Variants in CDC45 observed in about 807,000 individuals in gnomAD.
The protein encoded by CDC45 is cell division cycle 45, also known as cell division control protein 45 homolog.
CDC45 carries 54 observed loss-of-function variants against 77.8 expected under a neutral mutation model. The observed-to-expected ratio is 0.69, with a 90% CI of 0.56 to 0.87. The LOEUF (loss-of-function observed/expected upper bound fraction) is 0.87. Ranked by LOEUF, CDC45 falls within the 40% of genes least tolerant of loss-of-function variation. The probability of loss-of-function intolerance (pLI) is 0.00; values close to 1 mark genes in which losing one functional copy is unlikely to be tolerated. For missense variants in CDC45, 649 were observed against 721.6 expected (o/e 0.90, Z 1.15); for synonymous variants, 260 against 272.1 (o/e 0.96, Z 0.44).
At chr22:19,512,768 A>T (rs1244260603) in intron 13 of CDC45, among the ~76,000 whole-genome samples, 4 of 152,178 alleles carry the variant, frequency 2.6e-5, no homozygotes, top group African/African-American at 4.8e-5. Flanking sequence ...TAAGAAAAGG[A>T]TATTTAAAAC....
chr22:19,489,174 G>A (rs2146350785), intron 5 of CDC45, among the ~76,000 whole-genome samples: 1 of 152,250 alleles, frequency 6.6e-6, no homozygotes, highest in South Asian at 2.1e-4. Context: ...TATCTCTAAA[G>A]AAAAGAAAGT....
chr22:19,514,603 A>G (rs1933678590), intron 13 of CDC45, 146 bp from the exon 14 acceptor site: 4 of 654,152 alleles, frequency 6.1e-6, no homozygotes, highest in Admixed American at 6.1e-5. Context: ...CTTTCATGTG[A>G]AAGACAACTC....
At position 19,507,265 on chromosome 22, in the gene CDC45, T is replaced by G. The variant is rs1933244516; in HGVS notation, c.825-121T>G. ...GGCTCCAGGTCACTCTTGGGATACC[T>G]GGTTTTGCAGGCAGGCCTGGTGAGA... On this transcript the variant is annotated intron_variant, in intron 10 of 18. Transcript: ENST00000263201. The G allele has an allele frequency of 5.7e-6, 7 of 1,228,616 alleles. No individual in the cohort carries two copies. The South Asian group carries it at 9.5e-5, about 17-fold the overall frequency. The allele number at this position is 1,228,616 out of a possible 1,614,324, so 76.1% of individuals were successfully genotyped here.
chr22:19,496,002 C>T lies in CDC45; in HGVS notation c.564C>T (p.Tyr188=), dbSNP rs367976893. The stretch of plus-strand genomic sequence containing the variant: ...ACAGAAGAGACATCCTCTTTGACTA[C>T]GAGCAGTATGAATATCATGGGACAT... ...EARRRDILFD[Y]EQYEYHGTSS... Residue 188 remains tyrosine (Y), a synonymous_variant, in exon 7 of 19, where the codon TAC becomes TAT. Coordinates refer to ENST00000263201, the MANE Select transcript of CDC45 (RefSeq NM_003504.5). The T allele has an allele frequency of 1.4e-5, 22 of 1,610,938 alleles. No individual in the cohort carries two copies. The highest frequency in any genetic ancestry group is 4.4e-5 in the South Asian group (4 of 91,004).
chr22:19,493,239 G>GTTGTTTTGTTTTGTTTTGTT (rs60107800), intron 5 of CDC45, among the ~76,000 whole-genome samples: 5 of 146,798 alleles, frequency 3.4e-5, no homozygotes, highest in Non-Finnish European at 6.0e-5. Flanking sequence ...TTTTTTTTTT[G>GTTGTTTTGTTTTGTTTTGTT]TTGTTTTGTT....
chr22:19,498,232 G>C (rs999662847), intron 8 of CDC45, among the ~76,000 whole-genome samples: 1 of 152,242 alleles, frequency 6.6e-6, no homozygotes, highest in African/African-American at 2.4e-5. Context: ...AGGAGGCTGA[G>C]GTAGGAAGAT....
intron 5 of CDC45, among the ~76,000 whole-genome samples, chr22:19,485,949 G>T (rs1410613229): frequency 1.3e-5 from 2 of 152,154 alleles, no homozygotes; most frequent in African/African-American, 4.8e-5. Context: ...TGCCACATTT[G>T]CTTTCTTTCT....
chr22:19,513,781 A>G (rs1284587932), intron 13 of CDC45, among the ~76,000 whole-genome samples: 1 of 152,070 alleles, frequency 6.6e-6, no homozygotes, highest in Non-Finnish European at 1.5e-5. Flanking sequence ...TTATTTTACT[A>G]TTTCTTTACT....
At position 19,516,725 on chromosome 22, in the gene CDC45, T is replaced by C. The variant is rs1820388323; in HGVS notation, c.1559+80T>C. 12 of 1,059,706 alleles carry C rather than the reference T, an allele frequency of 1.1e-5. No individual in the cohort carries two copies. In the South Asian group the frequency reaches 1.5e-4, roughly 13 times the overall value. The allele number at this position is 1,059,706 out of a possible 1,614,324, so 65.6% of individuals were successfully genotyped here. A position where few individuals can be genotyped will look rare whatever the true frequency, so the allele number is the denominator to read the frequency against. ...AGCTTATTAGCCCTGCTGAGTAGAG[T>C]GGTATTTGCCTCTAGTGTCTGTCCT... On this transcript the variant is annotated intron_variant, in intron 16 of 18. Transcript: ENST00000263201.
At chr22:19,489,268 T>A (rs1045433208) in intron 5 of CDC45, among the ~76,000 whole-genome samples, 8 of 152,028 alleles carry the variant, frequency 5.3e-5, no homozygotes, top group African/African-American at 1.9e-4. Context: ...TGCCAGAAAC[T>A]GAATATGTCT....
At chr22:19,506,928 C>A (rs759491550) in intron 10 of CDC45, among the ~76,000 whole-genome samples, 5 of 148,776 alleles carry the variant, frequency 3.4e-5, no homozygotes, top group Non-Finnish European at 7.5e-5. Context: ...AGCGAGACTC[C>A]GTCTCAAAAA....
intron 10 of CDC45, 95 bp downstream of exon 10, chr22:19,505,576 C>A: frequency 7.1e-7 from 1 of 1,411,130 alleles, no homozygotes; most frequent in South Asian, 1.2e-5. Flanking sequence ...GGCCACATCC[C>A]CAGGAGGGAA....
At chr22:19,486,553 T>C (rs951345545) in intron 5 of CDC45, among the ~76,000 whole-genome samples, 4 of 152,350 alleles carry the variant, frequency 2.6e-5, no homozygotes, top group African/African-American at 4.8e-5. Flanking sequence ...TCTCTATCCC[T>C]GCATTTTCTA....
chr22:19,500,803 T>C (rs1479130279), intron 9 of CDC45, among the ~76,000 whole-genome samples: 1 of 152,114 alleles, frequency 6.6e-6, no homozygotes, highest in Non-Finnish European at 1.5e-5. Context: ...CATGAAACTC[T>C]TCCTCTGCTG....
intron 13 of CDC45, among the ~76,000 whole-genome samples, chr22:19,514,250 G>A (rs1476864121): frequency 1.3e-5 from 2 of 152,206 alleles, no homozygotes; most frequent in Non-Finnish European, 2.9e-5. Flanking sequence ...ATAAGACATC[G>A]TTTCACCTTA....
intron 8 of CDC45, among the ~76,000 whole-genome samples, chr22:19,498,035 G>A (rs1478880652): frequency 1.3e-5 from 2 of 152,088 alleles, no homozygotes; most frequent in Admixed American, 6.6e-5. Flanking sequence ...TTAGCCAGGC[G>A]TGGTGGTGGG....
chr22:19,507,804 T>C lies in CDC45; in HGVS notation c.995T>C (p.Met332Thr), dbSNP rs754341277. 1 of 1,603,300 alleles carries C rather than the reference T, an allele frequency of 6.2e-7. No individual in the cohort carries two copies. The highest frequency in any genetic ancestry group is 8.5e-7 in the Non-Finnish European group (1 of 1,176,518). ...CAGGTGAAGCAGAAGTTCCAGGCCATGGACATCTCCTTGAAGGAGAATTTG... is the reference window on the plus strand; with the variant it reads ...CAGGTGAAGCAGAAGTTCCAGGCCACGGACATCTCCTTGAAGGAGAATTTG... ...LKQVKQKFQA[M>T]DISLKENLRE... The change falls in exon 12 of 19, where the codon ATG becomes ACG. Residue 332 changes from methionine to threonine, a missense_variant. Transcript: ENST00000263201.
At position 19,487,910 on chromosome 22, in the gene CDC45, CAAAAAA is replaced by C. The variant is rs11291499; in HGVS notation, c.486+3922_486+3927del. ...TGGGCAACAGAGCAAGACTCCGTCT[CAAAAAA>C]AAAAAAAAAAAAAAAAGAGTTCTGC... On this transcript the variant is annotated intron_variant, in intron 5 of 18. Coordinates refer to ENST00000263201, the MANE Select transcript of CDC45 (RefSeq NM_003504.5). 1.5e-4 allele frequency among the ~76,000 whole-genome samples: 10 copies of C among 68,760 alleles called. No individual in the cohort carries two copies. The East Asian group carries it at 1.5e-3, about 10-fold the overall frequency. 45.1% of individuals were successfully genotyped at this position (68,760 alleles called of 152,430 possible).
At chr22:19,519,796 T>A (rs1488095571) in intron 18 of CDC45, among the ~76,000 whole-genome samples, 1 of 152,218 alleles carries the variant, frequency 6.6e-6, no homozygotes, top group African/African-American at 2.4e-5. Context: ...ATAGGGGGCC[T>A]CAGGGACCCC....
Sources: allele counts gnomAD v4.1 joint callset (sites outside exome capture counted in the v4.1 genomes callset), GRCh38; gene constraint gnomAD v4.1.1; transcripts MANE v1.5; gene names NCBI Gene and HGNC (gene_info 2026-07-23, HGNC 2026-07-21).